The following LRRC37A2 variants were observed in gnomAD, a reference collection of about 807,000 sequenced individuals.
The protein encoded by LRRC37A2 is leucine-rich repeat-containing protein 37A2.
In LRRC37A2, 9 loss-of-function variants were observed where a neutral mutation model predicts 68.8. That is an observed-to-expected ratio of 0.13 (90% CI 0.08 to 0.23). The LOEUF is 0.23. LRRC37A2 is among the 10% of genes least tolerant of loss of function. The pLI is 1.00. For missense variants in LRRC37A2, 168 were observed against 950.4 expected (o/e 0.18, Z 10.82); for synonymous variants, 63 against 367.6 (o/e 0.17, Z 9.48).
At chr17:46,936,472 G>GACAC in the LRRC37A2 span, 2 of 985,228 alleles carry the variant, frequency 2.0e-6, no homozygotes, top group Non-Finnish European at 2.4e-6. Context: ...ACTTTCCTCT[G>GACAC]CACACCTGTG....
the LRRC37A2 span, chr17:46,830,483 G>A: frequency 2.5e-6 from 1 of 392,532 alleles, no homozygotes; most frequent in Non-Finnish European, 4.5e-6. Flanking sequence ...CCAACTCTTG[G>A]GCTCAGGAGA....
the LRRC37A2 span, among the ~76,000 whole-genome samples, chr17:46,990,678 T>C: frequency 6.6e-6 from 1 of 151,970 alleles, no homozygotes. Context: ...AAAATGCTTT[T>C]TTTTTTTCTT....
At chr17:46,833,583 G>A in the LRRC37A2 span, 6 of 372,204 alleles carry the variant, frequency 1.6e-5, no homozygotes, top group South Asian at 8.0e-5. Flanking sequence ...CCTGCTCAGT[G>A]TGGTGGGCAG....
the LRRC37A2 span, among the ~76,000 whole-genome samples, chr17:46,752,851 C>T: frequency 6.6e-6 from 1 of 152,110 alleles, no homozygotes; most frequent in Non-Finnish European, 1.5e-5. Flanking sequence ...ACTGCAGCTT[C>T]CACCTCCCGG....
At chr17:47,003,731 T>TA in the LRRC37A2 span, among the ~76,000 whole-genome samples, 12 of 152,178 alleles carry the variant, frequency 7.9e-5, no homozygotes, top group Middle Eastern at 3.4e-3. Flanking sequence ...GCCTTTTTTT[T>TA]TTATTATACT....
chr17:46,816,133 A>ACGCACACACACACT, the LRRC37A2 span, among the ~76,000 whole-genome samples: 10 of 37,632 alleles, frequency 2.7e-4, no homozygotes, highest in Admixed American at 2.0e-3. Context: ...ACACACACTC[A>ACGCACACACACACT]CACACACGCA....
At chr17:47,014,258 C>T in the LRRC37A2 span, among the ~76,000 whole-genome samples, 15 of 149,594 alleles carry the variant, frequency 1.0e-4, no homozygotes, top group East Asian at 1.0e-3. Flanking sequence ...GGTGTGGTGG[C>T]GGGCACCTGT....
the LRRC37A2 span, chr17:46,932,152 C>T: frequency 6.2e-7 from 1 of 1,614,136 alleles, no homozygotes; most frequent in Non-Finnish European, 8.5e-7. Context: ...AAGGGAGCAG[C>T]AGGAGAGACA....
chr17:46,548,362 C>G, exon 10 of LRRC37A2: 1 of 544,102 alleles, frequency 1.8e-6, no homozygotes, highest in Non-Finnish European at 2.8e-6. Context: ...GAAGGTGTTA[C>G]AAGCCCGGAA....
the LRRC37A2 span, among the ~76,000 whole-genome samples, chr17:46,952,509 G>C: frequency 6.6e-6 from 1 of 152,170 alleles, no homozygotes; most frequent in Admixed American, 6.5e-5. Context: ...TTGCAGGTAG[G>C]GGTCAGGTCA....
At chr17:47,029,697 G>A in the LRRC37A2 span, among the ~76,000 whole-genome samples, 1 of 152,180 alleles carries the variant, frequency 6.6e-6, no homozygotes, top group Non-Finnish European at 1.5e-5. Flanking sequence ...CCTCCACGAA[G>A]AGGTTTAGGT....
chr17:46,595,594 C>T, the LRRC37A2 span, among the ~76,000 whole-genome samples: 4 of 131,092 alleles, frequency 3.1e-5, no homozygotes, highest in Non-Finnish European at 4.4e-5. Context: ...CGGGTTCAAG[C>T]GATTCTCCCG....
chr17:46,770,146 A>C, the LRRC37A2 span: 1 of 1,434,222 alleles, frequency 7.0e-7, no homozygotes, highest in Non-Finnish European at 9.2e-7. Flanking sequence ...GAACGAGGCC[A>C]GGAAGAGTTG....
the LRRC37A2 span, among the ~76,000 whole-genome samples, chr17:46,585,471 T>A: frequency 1.2e-5 from 1 of 86,100 alleles, no homozygotes; most frequent in Non-Finnish European, 2.7e-5. Flanking sequence ...ACTTAGCCCC[T>A]CCCAGGAGAT....
chr17:46,940,353 C>T, the LRRC37A2 span: 4 of 1,483,442 alleles, frequency 2.7e-6, no homozygotes, highest in Non-Finnish European at 3.6e-6. Context: ...GGTTGGGGCC[C>T]TGCCAGAGTT....
At chr17:46,732,367 C>G in the LRRC37A2 span, among the ~76,000 whole-genome samples, 2 of 150,462 alleles carry the variant, frequency 1.3e-5, no homozygotes, top group Admixed American at 1.3e-4. Flanking sequence ...ACCACCCCCT[C>G]CCTTCTTGTA....
the LRRC37A2 span, among the ~76,000 whole-genome samples, chr17:46,791,979 G>A: frequency 6.6e-6 from 1 of 152,184 alleles, no homozygotes; most frequent in Non-Finnish European, 1.5e-5. Context: ...GTTTGAGGCT[G>A]TAGTAAGCTG....
chr17:46,721,662 T>C, the LRRC37A2 span: 2 of 1,603,636 alleles, frequency 1.2e-6, no homozygotes, highest in Non-Finnish European at 1.7e-6. Flanking sequence ...GTTTCAACCT[T>C]GTGTTCCACA....
At chr17:46,895,460 T>C in the LRRC37A2 span, among the ~76,000 whole-genome samples, 1 of 152,194 alleles carries the variant, frequency 6.6e-6, no homozygotes. Context: ...TCAGTGGCCG[T>C]GGTGCCTACC....
Sources: allele counts gnomAD v4.1 joint callset (sites outside exome capture counted in the v4.1 genomes callset), GRCh38; gene constraint gnomAD v4.1.1; transcripts MANE v1.5; gene names NCBI Gene and HGNC (gene_info 2026-07-23, HGNC 2026-07-21).